PCDHGA1: variants seen among roughly 807,000 people sequenced by gnomAD.
The protein encoded by PCDHGA1 is protocadherin gamma subfamily A, 1.
Under a neutral mutation model 58.0 loss-of-function variants are expected in PCDHGA1, and 32 were observed. That is an observed-to-expected ratio of 0.55 (90% CI 0.42 to 0.74). PCDHGA1 has a LOEUF of 0.74. Ranked by LOEUF, PCDHGA1 falls within the 30% of genes least tolerant of loss-of-function variation. The pLI is 0.00. For synonymous variants in PCDHGA1, 498 were observed against 501.1 expected, an observed-to-expected ratio of 0.99 and a Z score of 0.08; for missense variants, 1,205 against 1,182.3, an observed-to-expected ratio of 1.02 and a Z score of -0.28.
At chr5:141,508,324 G>A (rs1668975090) in intron 3 of PCDHGA1, 1 of 151,252 alleles carries the variant, frequency 6.6e-6, no homozygotes, top group African/African-American at 2.4e-5. Flanking sequence ...GAGGGGCACT[G>A]GAGAACTGAC....
At chr5:141,339,943 T>C in intron 1 of PCDHGA1, 1 of 1,614,194 alleles carries the variant, frequency 6.2e-7, no homozygotes, top group Non-Finnish European at 8.5e-7. Context: ...CTCAGGATGG[T>C]CCGGGCCTTC....
chr5:141,399,327 G>C (rs2093787081), intron 1 of PCDHGA1: 2 of 1,613,936 alleles, frequency 1.2e-6, no homozygotes, highest in African/African-American at 1.3e-5. Flanking sequence ...CGTATAAGTT[G>C]GTAACAGATG....
chr5:141,476,770 C>T lies in PCDHGA1; in HGVS notation c.2422-18037C>T, dbSNP rs1452363016. 6.2e-7 allele frequency: 1 copy of T among 1,613,568 alleles called. No homozygotes were observed. The highest frequency in any genetic ancestry group is 8.5e-7 in the Non-Finnish European group (1 of 1,180,020). ...TCCAGTTAGTGCTGACGGCGTTGGA[C>T]GGAGGGACCCCAGCTCTCTCCGCCA... On this transcript the variant is annotated intron_variant, in intron 1 of 3. Coordinates refer to ENST00000517417, the MANE Select transcript of PCDHGA1 (RefSeq NM_018912.3). This position sits in a 1 kb window ranked among gnomAD's most constrained non-coding sequence, Gnocchi z 7.6.
At chr5:141,376,676 G>GTTTTTTTTTTTTTTTTTTTTTTT (rs67197835) in intron 1 of PCDHGA1, 2 of 275,812 alleles carry the variant, frequency 7.3e-6, no homozygotes, top group Admixed American at 6.8e-5. Context: ...TGAGGGTATC[G>GTTTTTTTTTTTTTTTTTTTTTTT]TTTTTTTTTT....
intron 1 of PCDHGA1, among the ~76,000 whole-genome samples, chr5:141,452,947 G>C (rs2098752833): frequency 6.6e-6 from 1 of 152,144 alleles, no homozygotes; most frequent in Non-Finnish European, 1.5e-5. Flanking sequence ...GCTTGCAATT[G>C]GTTGTCTTTA....
intron 1 of PCDHGA1, chr5:141,426,510 T>C: frequency 2.9e-6 from 1 of 342,914 alleles, no homozygotes; most frequent in Non-Finnish European, 5.8e-6. Context: ...AACAATACTT[T>C]ACCGTGAACA....
chr5:141,456,178 A>G (rs1216202318), intron 1 of PCDHGA1, among the ~76,000 whole-genome samples: 1 of 151,926 alleles, frequency 6.6e-6, no homozygotes, highest in African/African-American at 2.4e-5. Context: ...ATTACAGAAT[A>G]ATTTCTTAAT....
chr5:141,365,428 C>A (rs1588613200), intron 1 of PCDHGA1: 1 of 1,613,992 alleles, frequency 6.2e-7, no homozygotes, highest in Non-Finnish European at 8.5e-7. Flanking sequence ...GAACTGTAAT[C>A]GCGCTGTTTA....
At chr5:141,338,050 C>G (rs973201052) in intron 1 of PCDHGA1, among the ~76,000 whole-genome samples, 1 of 152,206 alleles carries the variant, frequency 6.6e-6, no homozygotes, top group African/African-American at 2.4e-5. Flanking sequence ...TATGATTCAG[C>G]TTCAATCATG....
intron 1 of PCDHGA1, among the ~76,000 whole-genome samples, chr5:141,447,321 G>C (rs148203274): frequency 3.9e-5 from 6 of 152,068 alleles, no homozygotes; most frequent in Admixed American, 6.5e-5. Flanking sequence ...TGTATTTTTA[G>C]TAGAGACGGG....
In PCDHGA1 at chr5:141,356,290, A is replaced by G. The variant is rs367807303; in HGVS notation, c.2421+23185A>G. 8 of 1,555,814 alleles carry G rather than the reference A, an allele frequency of 5.1e-6. No individual in the cohort carries two copies. The highest frequency in any genetic ancestry group is 6.1e-6 in the Non-Finnish European group (7 of 1,149,116). On this transcript the variant is annotated intron_variant, in intron 1 of 3. Coordinates refer to ENST00000517417, the MANE Select transcript of PCDHGA1 (RefSeq NM_018912.3). Reference sequence around the variant, plus strand: ...AGTCCAGGAATCTTCTTCCCCGGGTACAGTAATTGCACTTTTCAACGTGCA... The same window carrying G: ...AGTCCAGGAATCTTCTTCCCCGGGTGCAGTAATTGCACTTTTCAACGTGCA...
chr5:141,447,064 C>T (rs1453083716), intron 1 of PCDHGA1, among the ~76,000 whole-genome samples: 1 of 152,064 alleles, frequency 6.6e-6, no homozygotes, highest in Non-Finnish European at 1.5e-5. Context: ...ATGTGTCAGG[C>T]TGTTTTAATT....
intron 1 of PCDHGA1, chr5:141,423,463 G>C (rs772779471): frequency 1.2e-6 from 2 of 1,613,874 alleles, no homozygotes; most frequent in South Asian, 2.2e-5. Context: ...AGGCGTGGAC[G>C]GGGTACAGGC....
At chr5:141,373,974 C>G in intron 1 of PCDHGA1, 2 of 1,051,508 alleles carry the variant, frequency 1.9e-6, no homozygotes, top group Non-Finnish European at 2.6e-6. Flanking sequence ...CGCTTCGCAT[C>G]CGGTCTCTGC....
chr5:141,403,040 C>CA (rs1195249780), intron 1 of PCDHGA1: 1 of 1,613,950 alleles, frequency 6.2e-7, no homozygotes, highest in Non-Finnish European at 8.5e-7. Flanking sequence ...CAGGGCCAGT[C>CA]AGATTCGCTA....
At chr5:141,350,909 C>T (rs1289201700) in intron 1 of PCDHGA1, 1 of 1,614,066 alleles carries the variant, frequency 6.2e-7, no homozygotes. Flanking sequence ...TGGCGGGGAC[C>T]CGCCTCTAAG....
At chr5:141,376,345 C>G (rs747833428) in intron 1 of PCDHGA1, 1 of 1,614,084 alleles carries the variant, frequency 6.2e-7, no homozygotes, top group African/African-American at 1.3e-5. Context: ...AGACCTATTC[C>G]CACGAGGTCT....
At chr5:141,505,673 G>C (rs1389292278) in intron 3 of PCDHGA1, among the ~76,000 whole-genome samples, 192 bp downstream of exon 3, 1 of 152,178 alleles carries the variant, frequency 6.6e-6, no homozygotes, top group East Asian at 1.9e-4. Context: ...AGGGGTTGGG[G>C]GTCCTGGGAT....
intron 1 of PCDHGA1, chr5:141,403,422 C>T (rs749764130): frequency 6.2e-7 from 1 of 1,613,912 alleles, no homozygotes; most frequent in Admixed American, 1.7e-5. Flanking sequence ...CTTCCAGAAG[C>T]TATTGATCCG....
Sources: allele counts gnomAD v4.1 joint callset (sites outside exome capture counted in the v4.1 genomes callset), GRCh38; gene constraint gnomAD v4.1.1; non-coding constraint Gnocchi (gnomAD v3.1); transcripts MANE v1.5; gene names NCBI Gene and HGNC (gene_info 2026-07-23, HGNC 2026-07-21).